The following N4BP3 variants were observed in gnomAD, a reference collection of about 807,000 sequenced individuals.
N4BP3 encodes NEDD4 binding protein 3, also known as NEDD4-binding protein 3.
N4BP3 carries 33 observed loss-of-function variants against 43.8 expected under a neutral mutation model. That is an observed-to-expected ratio of 0.75 (90% CI 0.57 to 1.01). N4BP3 has a LOEUF of 1.01. N4BP3 is among the 50% of genes least tolerant of loss of function. N4BP3 has a pLI of 0.00. For missense variants in N4BP3, 756 were observed against 744.2 expected (o/e 1.02, Z -0.18); for synonymous variants, 326 against 321.9 (o/e 1.01, Z -0.14).
rs751114589 is a variant in N4BP3, at chr5:178,120,533, C to T, written c.686C>T (p.Pro229Leu). Residue 229 changes from proline (P) to leucine (L), a missense_variant, in exon 3 of 5, where the codon CCC becomes CTC. Coordinates refer to ENST00000274605, the MANE Select transcript of N4BP3 (RefSeq NM_015111.2). ...TCCCTGGACCGGGCCTCTCAAGGAC[C>T]CAAGGAGGCTGGGCCACCAGCTGTG... The part of the protein sequence containing the change: ...GGSLDRASQG[P>L]KEAGPPAVLS... 15 of 1,612,986 alleles carry T rather than the reference C, an allele frequency of 9.3e-6. No individual in the cohort carries two copies. Among genetic ancestry groups the T allele is most frequent in the Non-Finnish European group, 1.2e-5 (14 of 1,180,030 alleles).
rs1758048801 is a variant in N4BP3, at chr5:178,125,767, C to T, written c.*3766C>T. Reference sequence around the variant, plus strand: ...GGCAAATGCAGAGTTATGTAACGAACCCAACAATGAAGATACAGTTCTGTC... The same window carrying T: ...GGCAAATGCAGAGTTATGTAACGAATCCAACAATGAAGATACAGTTCTGTC... On this transcript the variant is annotated 3_prime_UTR_variant, in exon 5 of 5. Transcript: ENST00000274605. 1 of 152,130 alleles carries T rather than the reference C, an allele frequency of 6.6e-6. No individual in the cohort carries two copies. Among genetic ancestry groups the T allele is most frequent in the African/African-American group, 2.4e-5 (1 of 41,412 alleles). 9.4% of individuals were successfully genotyped at this position (152,130 alleles called of 1,614,324 possible).
rs748590164 is a variant in N4BP3 at position 178,121,821 on chromosome 5, C to A, written c.1455C>A (p.Arg485=). The change falls in exon 5 of 5, where the codon CGC becomes CGA. Residue 485 remains arginine, a synonymous_variant. Coordinates refer to ENST00000274605, the MANE Select transcript of N4BP3 (RefSeq NM_015111.2). ...ERLRGQEQAL[R]FEQERRTWQE... ...TTCGGGGCCAGGAGCAGGCGCTGCG[C>A]TTTGAGCAGGAGCGGCGGACTTGGC... The A allele has an allele frequency of 5.6e-6, 9 of 1,609,274 alleles. No individual in the cohort carries two copies. The highest frequency in any genetic ancestry group is 6.8e-6 in the Non-Finnish European group (8 of 1,179,032).
In N4BP3 at chr5:178,121,185, C is replaced by G; in HGVS notation, c.940C>G (p.Arg314Gly). The G allele has an allele frequency of 2.5e-6, 4 of 1,600,750 alleles. No individual in the cohort carries two copies. The highest frequency in any genetic ancestry group is 3.4e-6 in the Non-Finnish European group (4 of 1,176,978). The change falls in exon 4 of 5, where the codon CGC (arginine) becomes GGC (glycine). Residue 314 changes from arginine to glycine, a missense_variant. Coordinates refer to ENST00000274605, the MANE Select transcript of N4BP3 (RefSeq NM_015111.2). ...GCACGAGGTGACCCAGAAGGCTGAG[C>G]GCAGCGAGCGCAACCTCCAGCTGCA... ...RLHEVTQKAE[R>G]SERNLQLQLF...
In N4BP3 at chr5:178,113,692, G is replaced by A. The variant is rs1757700672; in HGVS notation, c.-110G>A. 6.6e-6 allele frequency: 1 copy of A among 152,002 alleles called. No individual in the cohort carries two copies. The highest frequency in any genetic ancestry group is 2.1e-4 in the South Asian group (1 of 4,828). The allele number at this position is 152,002 out of a possible 1,614,324, so 9.4% of individuals were successfully genotyped here. A position where few individuals can be genotyped will look rare whatever the true frequency, so the allele number is the denominator to read the frequency against. On this transcript the variant is annotated 5_prime_UTR_variant, in exon 1 of 5. Transcript: ENST00000274605. ...TCCCGGCCCGAGCCGACGCCTTGCA[G>A]GAGGGTTCAAATCCGCGCGGGGGAG...
At chr5:178,117,694 C>T (rs1390881644) in intron 1 of N4BP3, among the ~76,000 whole-genome samples, 1 of 147,618 alleles carries the variant, frequency 6.8e-6, no homozygotes, top group East Asian at 2.0e-4. Context: ...AGGGCCAAGT[C>T]GCTGTAGGAA....
In N4BP3 at chr5:178,118,075, G is replaced by C. The variant is rs1757813557; in HGVS notation, c.-30-1479G>C. ...TTCGAGAATGGGAGCAGCTGCTCAG[G>C]GGTGGGAGGCAGAGAAGGTGGCATT... On this transcript the variant is annotated intron_variant, in intron 1 of 4. Coordinates refer to ENST00000274605, the MANE Select transcript of N4BP3 (RefSeq NM_015111.2). The surrounding 1 kb of genome is among the most constrained non-coding windows in gnomAD (Gnocchi z 5.4). Among the ~76,000 whole-genome samples the C allele has an allele frequency of 6.6e-6, 1 of 152,206 alleles. No individual in the cohort carries two copies. Among genetic ancestry groups the C allele is most frequent in the African/African-American group, 2.4e-5 (1 of 41,454 alleles).
Sources: allele counts gnomAD v4.1 joint callset (sites outside exome capture counted in the v4.1 genomes callset), GRCh38; gene constraint gnomAD v4.1.1; non-coding constraint Gnocchi (gnomAD v3.1); transcripts MANE v1.5; gene names NCBI Gene and HGNC (gene_info 2026-07-23, HGNC 2026-07-21).